Variants in PRTN3 observed in about 807,000 individuals in gnomAD.
The protein encoded by PRTN3 is myeloblastin.
In PRTN3, 22 loss-of-function variants were observed where a neutral mutation model predicts 20.7. That is an observed-to-expected ratio of 1.06 (90% CI 0.76 to 1.52). The LOEUF (loss-of-function observed/expected upper bound fraction) is 1.52, where lower values mean the gene tolerates loss of function less well. Ranked by LOEUF, PRTN3 falls within the 40% of genes most tolerant of loss-of-function variation. PRTN3 has a pLI of 0.00. For synonymous variants in PRTN3, 173 were observed against 152.9 expected (o/e 1.13, Z -0.97); for missense variants, 378 against 359.6 (o/e 1.05, Z -0.41).
Position 848,118 on chromosome 19 carries a change from G to T in PRTN3, c.*149G>T. 3 of 1,021,960 alleles carry T rather than the reference G, an allele frequency of 2.9e-6. No individual in the cohort carries two copies. In the Admixed American group the frequency reaches 8.4e-5, roughly 29 times the overall value. 63.3% of individuals were successfully genotyped at this position (1,021,960 alleles called of 1,614,324 possible). On this transcript the variant is annotated 3_prime_UTR_variant, in exon 5 of 5. Transcript: ENST00000234347. ...CCACACTCCCTCCCACGGGGCTCCGGGAGACAGGCCGGCCCTGCACCTCAC... is the reference window on the plus strand; with the variant it reads ...CCACACTCCCTCCCACGGGGCTCCGTGAGACAGGCCGGCCCTGCACCTCAC...
At chr19:842,573 C>T (rs1361825175) in intron 1 of PRTN3, among the ~76,000 whole-genome samples, 1 of 137,722 alleles carries the variant, frequency 7.3e-6, no homozygotes, top group African/African-American at 2.9e-5. Context: ...GTGCGAACCA[C>T]CACACCTGGC....
At chr19:846,727 A>AG (rs2035522225) in intron 4 of PRTN3, among the ~76,000 whole-genome samples, 1 of 144,840 alleles carries the variant, frequency 6.9e-6, no homozygotes, top group Non-Finnish European at 1.5e-5. Context: ...GAAAGACCTC[A>AG]GCCCCTCCCT....
At chr19:845,459 A>G (rs1411100853) in intron 3 of PRTN3, among the ~76,000 whole-genome samples, 1 of 151,984 alleles carries the variant, frequency 6.6e-6, no homozygotes, top group Non-Finnish European at 1.5e-5. Flanking sequence ...CGGTGGCTGT[A>G]ATCCCAGCAC....
At chr19:842,606 T>TTTTTTTTTTTTA (rs2035460969) in intron 1 of PRTN3, among the ~76,000 whole-genome samples, 4 of 141,522 alleles carry the variant, frequency 2.8e-5, no homozygotes, top group African/African-American at 8.2e-5. Flanking sequence ...TTTTTTTTTT[T>TTTTTTTTTTTTA]GAGACGGAGT....
At chr19:841,154 C>A in intron 1 of PRTN3, 85 bp downstream of exon 1, 1 of 1,510,004 alleles carries the variant, frequency 6.6e-7, no homozygotes, top group Non-Finnish European at 8.9e-7. Context: ...CATCCAAAGC[C>A]CTTCTGGCAC....
intron 1 of PRTN3, among the ~76,000 whole-genome samples, chr19:841,383 A>G (rs961121653): frequency 2.0e-5 from 3 of 152,232 alleles, no homozygotes; most frequent in Non-Finnish European, 4.4e-5. Context: ...CCTTCAGCAA[A>G]TGCTCAGTGA....
chr19:841,920 G>A (rs901990631), intron 1 of PRTN3, among the ~76,000 whole-genome samples: 2 of 151,888 alleles, frequency 1.3e-5, no homozygotes, highest in Non-Finnish European at 2.9e-5. Flanking sequence ...GTAGAGACGG[G>A]GTTTCAAGGT....
intron 3 of PRTN3, among the ~76,000 whole-genome samples, chr19:844,552 G>C (rs1278136721): frequency 7.2e-6 from 1 of 139,446 alleles, no homozygotes; most frequent in Non-Finnish European, 1.5e-5. Flanking sequence ...CGCCCGGTGT[G>C]CTGTTCCCCC....
rs139778046 is a variant in PRTN3 at position 846,331 on chromosome 19, A to T, written c.554A>T (p.His185Leu). 1.6e-3 allele frequency: 2,493 copies of T among 1,589,094 alleles called. 5 individuals carry two copies. The highest frequency in any genetic ancestry group is 1.9e-3 in the Non-Finnish European group (2,229 of 1,168,348). ...GTGGTCACCTTCTTCTGCCGGCCAC[A>T]TAACATTTGCACTTTCGTCCCTCGC... ...VTVVTFFCRP[H>L]NICTFVPRRK... is the part of the protein sequence containing the mutation. The change falls in exon 4 of 5, where the codon CAT (histidine) becomes CTT (leucine). Residue 185 changes from histidine to leucine, a missense_variant. Physicochemically the swap from His to Leu is moderately conservative, Grantham distance 99. Coordinates refer to ENST00000234347, the MANE Select transcript of PRTN3 (RefSeq NM_002777.4).
At chr19:847,549 AAAAGAAAGAGAGAG>A (rs2035533798) in intron 4 of PRTN3, among the ~76,000 whole-genome samples, 1 of 127,730 alleles carries the variant, frequency 7.8e-6, no homozygotes, top group Non-Finnish European at 1.7e-5. Context: ...GAAAGAAAGA[AAAAGAAAGAGAGAG>A]AGAGAGAGAG....
At chr19:842,839 C>G (rs1487404609) in intron 1 of PRTN3, among the ~76,000 whole-genome samples, 5 of 152,074 alleles carry the variant, frequency 3.3e-5, no homozygotes, top group Admixed American at 3.3e-4. Context: ...CCACCCACCT[C>G]GGCCTCCCAA....
chr19:841,719 C>A (rs924114557), intron 1 of PRTN3, among the ~76,000 whole-genome samples: 2 of 123,294 alleles, frequency 1.6e-5, no homozygotes, highest in African/African-American at 3.0e-5. Context: ...GGGTGATTTT[C>A]TTTTTCTTTT....
In PRTN3 at chr19:847,891, C is replaced by T. The variant is rs572553410; in HGVS notation, c.693C>T (p.Asp231=). 2 of 1,608,518 alleles carry T rather than the reference C, an allele frequency of 1.2e-6. No individual in the cohort carries two copies. The highest frequency in any genetic ancestry group is 1.1e-5 in the South Asian group (1 of 89,920). ...GATGTGCCACCCGCCTTTTCCCTGACTTCTTCACGCGGGTAGCCCTCTACG... is the reference window on the plus strand; with the variant it reads ...GATGTGCCACCCGCCTTTTCCCTGATTTCTTCACGCGGGTAGCCCTCTACG... ...IWGCATRLFP[D]FFTRVALYVD... Residue 231 remains aspartate (D), a synonymous_variant, in exon 5 of 5, where the codon GAC becomes GAT. Transcript: ENST00000234347.
In PRTN3 at chr19:847,855, C is replaced by G; in HGVS notation, c.657C>G (p.Phe219Leu). 5.0e-6 allele frequency: 8 copies of G among 1,608,730 alleles called. No homozygotes were observed. Among genetic ancestry groups the G allele is most frequent in the Non-Finnish European group, 6.8e-6 (8 of 1,177,310 alleles). Residue 219 changes from phenylalanine (F) to leucine (L), a missense_variant, in exon 5 of 5, where the codon TTC becomes TTG. Phe to Leu is a conservative substitution (Grantham distance 22). Transcript: ENST00000234347. ...CDGIIQGIDS[F>L]VIWGCATRLF... Reference sequence around the variant, plus strand: ...GCATCATCCAAGGAATAGACTCCTTCGTGATCTGGGGATGTGCCACCCGCC... The same window carrying G: ...GCATCATCCAAGGAATAGACTCCTTGGTGATCTGGGGATGTGCCACCCGCC...
rs1026660579 is a variant in PRTN3, at chr19:846,476, C to T, written c.600+99C>T. ...CACCTCTTAGCTGTGTGGCTTCATG[C>T]TGTGCCTCAGTCTCCCCACCTGGAA... is the stretch of plus-strand genomic sequence containing the variant. On this transcript the variant is annotated intron_variant, in intron 4 of 4. Coordinates refer to ENST00000234347, the MANE Select transcript of PRTN3 (RefSeq NM_002777.4). The T allele has an allele frequency of 3.2e-6, 4 of 1,234,696 alleles. No individual in the cohort carries two copies. The Admixed American group carries it at 8.0e-5, about 25-fold the overall frequency. The allele number at this position is 1,234,696 out of a possible 1,614,324, so 76.5% of individuals were successfully genotyped here.
chr19:841,671 A>T (rs2035442022), intron 1 of PRTN3, among the ~76,000 whole-genome samples: 1 of 151,994 alleles, frequency 6.6e-6, no homozygotes, highest in South Asian at 2.1e-4. Flanking sequence ...GAATCAGGGG[A>T]AGAAGAGAGC....
At chr19:844,266 TGCGCGCCTCTCCCCC>T (rs2035486877) in intron 3 of PRTN3, among the ~76,000 whole-genome samples, 1 of 5,466 alleles carries the variant, frequency 1.8e-4, no homozygotes, top group Non-Finnish European at 3.5e-4. Context: ...GCCTCTCCCC[TGCGCGCCTCTCCCCC>T]GCCCGCGCCT....
At chr19:847,519 AAAAG>A (rs1333989288) in intron 4 of PRTN3, among the ~76,000 whole-genome samples, 4 of 144,166 alleles carry the variant, frequency 2.8e-5, no homozygotes, top group African/African-American at 1.0e-4. Flanking sequence ...GAAAGAAAGA[AAAAG>A]AGAGAAAGAA....
intron 1 of PRTN3, among the ~76,000 whole-genome samples, chr19:841,919 G>A (rs2035446911): frequency 6.6e-6 from 1 of 151,750 alleles, no homozygotes; most frequent in Non-Finnish European, 1.5e-5. Context: ...TGTAGAGACG[G>A]GGTTTCAAGG....
Sources: allele counts gnomAD v4.1 joint callset (sites outside exome capture counted in the v4.1 genomes callset), GRCh38; gene constraint gnomAD v4.1.1; transcripts MANE v1.5; gene names NCBI Gene and HGNC (gene_info 2026-07-23, HGNC 2026-07-21).